HPSE2: variants seen among roughly 807,000 people sequenced by gnomAD.
HPSE2 encodes inactive heparanase-2.
Under a neutral mutation model 60.5 loss-of-function variants are expected in HPSE2, and 38 were observed. That is an observed-to-expected ratio of 0.63 (90% CI 0.48 to 0.82). HPSE2 has a LOEUF of 0.82. Ranked by LOEUF, HPSE2 falls within the 40% of genes least tolerant of loss-of-function variation. The probability of loss-of-function intolerance (pLI) is 0.00; values close to 1 mark genes in which losing one functional copy is unlikely to be tolerated. For missense variants in HPSE2, 713 were observed against 740.4 expected, an observed-to-expected ratio of 0.96 and a Z score of 0.43; for synonymous variants, 295 against 293.2, an observed-to-expected ratio of 1.01 and a Z score of -0.06.
chr10:99,083,992 T>A lies in HPSE2; in HGVS notation c.610+60246A>T, dbSNP rs372305773. Among the ~76,000 whole-genome samples the A allele has an allele frequency of 8.4e-4, 103 of 122,244 alleles. 1 individual carries two copies. The highest frequency in any genetic ancestry group is 4.2e-3 in the Middle Eastern group (1 of 236). 80.2% of individuals were successfully genotyped at this position (122,244 alleles called of 152,430 possible). A position where few individuals can be genotyped will look rare whatever the true frequency, so the allele number is the denominator to read the frequency against. ...TTTTTTTTTTTTTTTTTTTTTTTTT[T>A]AAGTAACTGCCCAGGGTTTTTTCCC... On this transcript the variant is annotated intron_variant, in intron 3 of 11. Coordinates refer to ENST00000370552, the MANE Select transcript of HPSE2 (RefSeq NM_021828.5).
intron 7 of HPSE2, among the ~76,000 whole-genome samples, chr10:98,622,873 T>C (rs758587129): frequency 7.2e-5 from 11 of 152,094 alleles, no homozygotes; most frequent in Admixed American, 2.6e-4. Flanking sequence ...CAGGGAATTG[T>C]AGGAACAAGA....
chr10:98,936,436 G>A (rs768987201), intron 3 of HPSE2, among the ~76,000 whole-genome samples: 10 of 143,416 alleles, frequency 7.0e-5, no homozygotes, highest in Admixed American at 1.4e-4. Context: ...GTAGGCTCAC[G>A]AGGGAATCTC....
chr10:98,491,620 T>C (rs1941647280), intron 9 of HPSE2, among the ~76,000 whole-genome samples: 1 of 152,226 alleles, frequency 6.6e-6, no homozygotes, highest in African/African-American at 2.4e-5. Flanking sequence ...GTAAGTTAGC[T>C]AGGATTAGCT....
At chr10:99,300,751 CTGTT>C in the HPSE2 span, among the ~76,000 whole-genome samples, 9 of 152,220 alleles carry the variant, frequency 5.9e-5, no homozygotes, top group African/African-American at 1.7e-4. Context: ...GTAGACCCCT[CTGTT>C]TGGGACACAG....
chr10:98,743,809 T>C, intron 4 of HPSE2, 74 bp downstream of exon 4: 2 of 1,343,866 alleles, frequency 1.5e-6, no homozygotes, highest in Non-Finnish European at 2.1e-6. Context: ...ATGGTCTGAT[T>C]GAGACTGTAT....
chr10:99,310,684 T>C, the HPSE2 span, among the ~76,000 whole-genome samples: 19 of 152,288 alleles, frequency 1.2e-4, no homozygotes, highest in East Asian at 2.9e-3. Context: ...TGGAGTGCAG[T>C]GGTGTGATCT....
chr10:98,976,345 T>C (rs1180860599), intron 3 of HPSE2, among the ~76,000 whole-genome samples: 1 of 152,240 alleles, frequency 6.6e-6, no homozygotes, highest in African/African-American at 2.4e-5. Context: ...ATGTTTTACA[T>C]GTATTAGCTC....
At chr10:98,947,990 CACA>C (rs1955239952) in intron 3 of HPSE2, among the ~76,000 whole-genome samples, 1 of 152,160 alleles carries the variant, frequency 6.6e-6, no homozygotes, top group Non-Finnish European at 1.5e-5. Flanking sequence ...TGTCCCCAAA[CACA>C]ACATTTCTAA....
At chr10:98,481,804 T>C (rs1307673427) in intron 11 of HPSE2, among the ~76,000 whole-genome samples, 2 of 152,172 alleles carry the variant, frequency 1.3e-5, no homozygotes, top group Non-Finnish European at 2.9e-5. Flanking sequence ...TTGGTAAACA[T>C]TAAAAATGGA....
Position 98,721,746 on chromosome 10 carries a change from C to G in HPSE2, c.867G>C (p.Leu289=), listed in dbSNP as rs1948930112. Residue 289 remains leucine, a synonymous_variant, in exon 5 of 12, where the codon CTG becomes CTC. Transcript: ENST00000370552. ...TGGAATAAATCCGGATGGGCTGCAA[C>G]AGGCTCTTCAGCTGGATGTAATCCT... is the stretch of plus-strand genomic sequence containing the variant. ...LGKDYIQLKS[L]LQPIRIYSRA... The G allele has an allele frequency of 1.2e-6, 2 of 1,613,552 alleles. No individual in the cohort carries two copies. The highest frequency in any genetic ancestry group is 2.2e-5 in the East Asian group (1 of 44,850).
intron 3 of HPSE2, among the ~76,000 whole-genome samples, chr10:98,811,822 C>A (rs1298971956): frequency 6.6e-6 from 1 of 152,048 alleles, no homozygotes; most frequent in East Asian, 1.9e-4. Context: ...CAAATATCTC[C>A]ATTTATTCAG....
intron 9 of HPSE2, among the ~76,000 whole-genome samples, chr10:98,549,543 T>C (rs1265617403): frequency 6.6e-6 from 1 of 152,204 alleles, no homozygotes; most frequent in African/African-American, 2.4e-5. Flanking sequence ...GCTACAGTAC[T>C]GTGGGTCTCC....
chr10:99,228,494 GA>G (rs1467056374), intron 2 of HPSE2, among the ~76,000 whole-genome samples: 1 of 152,104 alleles, frequency 6.6e-6, no homozygotes, highest in Non-Finnish European at 1.5e-5. Context: ...ACAATACAAA[GA>G]GGGGAAGACT....
chr10:98,622,992 T>C (rs1946114055), intron 7 of HPSE2, among the ~76,000 whole-genome samples: 1 of 152,188 alleles, frequency 6.6e-6, no homozygotes, highest in Admixed American at 6.5e-5. Context: ...TCTGTGTACA[T>C]GATAAACTAT....
chr10:98,876,916 A>C (rs1174600735), intron 3 of HPSE2, among the ~76,000 whole-genome samples: 3 of 151,882 alleles, frequency 2.0e-5, no homozygotes, highest in Non-Finnish European at 4.4e-5. Flanking sequence ...TATTTACCTG[A>C]ATCTCATTAC....
In HPSE2 at chr10:98,617,303, G is replaced by A. The variant is rs117019293; in HGVS notation, c.1206-2285C>T. ...CAGAATTGAGAAGATATTAAAAAAC[G>A]CTTGTGTGACCATGTAAATGCCTGT... On this transcript the variant is annotated intron_variant, in intron 8 of 11. Transcript: ENST00000370552. 7.0e-3 allele frequency among the ~76,000 whole-genome samples: 1,063 copies of A among 152,198 alleles called. 6 individuals carry two copies. Among genetic ancestry groups the A allele is most frequent in the Middle Eastern group, 0.031 (9 of 294 alleles).
intron 6 of HPSE2, among the ~76,000 whole-genome samples, chr10:98,648,110 T>C (rs1946822578): frequency 6.6e-6 from 1 of 152,226 alleles, no homozygotes; most frequent in Non-Finnish European, 1.5e-5. Context: ...TCAAGTGCCA[T>C]GCCAAGGGCT....
At chr10:98,494,899 G>A (rs1941778972) in intron 9 of HPSE2, among the ~76,000 whole-genome samples, 1 of 152,226 alleles carries the variant, frequency 6.6e-6, no homozygotes, top group East Asian at 1.9e-4. Flanking sequence ...AAAACCTATT[G>A]TCTTAATAGG....
intron 3 of HPSE2, among the ~76,000 whole-genome samples, chr10:99,106,973 C>T (rs141886295): frequency 1.1e-3 from 175 of 152,196 alleles, no homozygotes; most frequent in African/African-American, 3.9e-3. Context: ...TGGATGCAAG[C>T]GATTCTCCTG....
Sources: gnomAD v4.1 joint callset for allele counts (sites outside exome capture counted in the v4.1 genomes callset) on GRCh38, gnomAD v4.1.1 for gene constraint, MANE v1.5 for transcripts, NCBI Gene and HGNC (gene_info 2026-07-23, HGNC 2026-07-21) for gene names.